GFRA1: variants seen among roughly 807,000 people sequenced by gnomAD.
GFRA1 encodes the protein GDNF family receptor alpha 1.
Under a neutral mutation model 51.6 loss-of-function variants are expected in GFRA1, and 16 were observed. That is an observed-to-expected ratio of 0.31 (90% confidence interval 0.21 to 0.47). The LOEUF is 0.47. Ranked by LOEUF, GFRA1 falls within the 20% of genes least tolerant of loss-of-function variation. The pLI is 1.00. For missense variants in GFRA1, 530 were observed against 594.3 expected (o/e 0.89, Z 1.13); for synonymous variants, 270 against 241.3 (o/e 1.12, Z -1.10).
chr10:116,235,816 C>T (rs1966862292), intron 4 of GFRA1, among the ~76,000 whole-genome samples: 1 of 152,252 alleles, frequency 6.6e-6, no homozygotes, highest in African/African-American at 2.4e-5. Context: ...TCTGAGTCCA[C>T]ATGAAGAAGA....
rs1955065080 is a variant in GFRA1, at chr10:116,065,561, A to C, written c.1251+12T>G. 6.2e-7 allele frequency: 1 copy of C among 1,609,128 alleles called. No homozygotes were observed. Reference sequence around the variant, plus strand: ...TATAAATGCACGAAGCCTCCAAAAGAAACATACTTACATTGGAAATACAGA... The same window carrying C: ...TATAAATGCACGAAGCCTCCAAAAGCAACATACTTACATTGGAAATACAGA... On this transcript the variant is annotated intron_variant, in intron 10 of 10. Coordinates refer to ENST00000355422, the MANE Select transcript of GFRA1 (RefSeq NM_005264.8).
chr10:116,156,321 T>C (rs368115504), intron 5 of GFRA1, among the ~76,000 whole-genome samples: 1 of 152,246 alleles, frequency 6.6e-6, no homozygotes, highest in African/African-American at 2.4e-5. Context: ...AACGAAGTTA[T>C]GGGTTTAAAC....
intron 4 of GFRA1, among the ~76,000 whole-genome samples, chr10:116,224,256 GT>G (rs1184557757): frequency 6.6e-6 from 1 of 152,166 alleles, no homozygotes; most frequent in African/African-American, 2.4e-5. Flanking sequence ...CTGTCAAATG[GT>G]ATAGCCACTT....
intron 5 of GFRA1, among the ~76,000 whole-genome samples, chr10:116,190,002 G>A (rs1963104487): frequency 6.6e-6 from 1 of 152,092 alleles, no homozygotes; most frequent in Non-Finnish European, 1.5e-5. Flanking sequence ...AGCCCCAGGC[G>A]AGGCAGAGAG....
chr10:116,072,672 A>G (rs984421212), intron 9 of GFRA1, among the ~76,000 whole-genome samples: 2 of 152,124 alleles, frequency 1.3e-5, no homozygotes, highest in Non-Finnish European at 2.9e-5. Context: ...GAGGCAGGAG[A>G]ATTGCTTGAA....
intron 4 of GFRA1, among the ~76,000 whole-genome samples, chr10:116,215,994 T>C (rs1185682319): frequency 2.0e-5 from 3 of 152,168 alleles, no homozygotes; most frequent in Admixed American, 1.3e-4. Context: ...GGAACTCAGA[T>C]TGCCTTTCTT....
intron 6 of GFRA1, among the ~76,000 whole-genome samples, chr10:116,113,599 G>T (rs879473585): frequency 6.6e-6 from 1 of 152,152 alleles, no homozygotes; most frequent in Non-Finnish European, 1.5e-5. Flanking sequence ...TCTGTGGGTG[G>T]TTTACAAGAC....
chr10:116,194,066 T>TAA (rs1051845471), intron 5 of GFRA1, among the ~76,000 whole-genome samples: 533 of 26,930 alleles, frequency 0.02, 16 homozygotes, highest in Middle Eastern at 0.067. Flanking sequence ...AAATAAAATT[T>TAA]AAAAAAAAAA....
intron 4 of GFRA1, among the ~76,000 whole-genome samples, chr10:116,224,290 T>C (rs184964526): frequency 3.3e-5 from 5 of 152,324 alleles, no homozygotes; most frequent in Admixed American, 2.0e-4. Flanking sequence ...TGGCAGGTCC[T>C]CAAATAGTTA....
In GFRA1 at chr10:116,217,835, C is replaced by T. The variant is rs1045917555; in HGVS notation, c.419-6190G>A. On this transcript the variant is annotated intron_variant, in intron 4 of 10. Coordinates refer to ENST00000355422, the MANE Select transcript of GFRA1 (RefSeq NM_005264.8). ...GAATGAGAGATTGCCTATAAGAGAACACGATAACTGGTACCCAGAAAGTCT... is the reference window on the plus strand; with the variant it reads ...GAATGAGAGATTGCCTATAAGAGAATACGATAACTGGTACCCAGAAAGTCT... Among the ~76,000 whole-genome samples, 24 of 152,148 alleles carry T rather than the reference C, an allele frequency of 1.6e-4. 2 individuals carry two copies. The highest frequency in any genetic ancestry group is 1.2e-3 in the Admixed American group (19 of 15,270).
chr10:116,226,315 A>G (rs1312351635), intron 4 of GFRA1, among the ~76,000 whole-genome samples: 1 of 152,172 alleles, frequency 6.6e-6, no homozygotes, highest in Non-Finnish European at 1.5e-5. Flanking sequence ...TTTCCCAAAT[A>G]AGCCAGGCTC....
intron 5 of GFRA1, among the ~76,000 whole-genome samples, chr10:116,202,935 G>A (rs965858357): frequency 6.6e-6 from 1 of 152,162 alleles, no homozygotes; most frequent in Non-Finnish European, 1.5e-5. Context: ...AGAACTCCAG[G>A]TAGAGGAATC....
At chr10:116,124,656 G>T (rs775800509) in intron 6 of GFRA1, among the ~76,000 whole-genome samples, 9 of 152,190 alleles carry the variant, frequency 5.9e-5, no homozygotes, top group Non-Finnish European at 8.8e-5. Context: ...GGCTCAGCAG[G>T]TTTCTGGTGG....
At chr10:116,111,049 C>T (rs1439640600) in intron 6 of GFRA1, among the ~76,000 whole-genome samples, 2 of 152,202 alleles carry the variant, frequency 1.3e-5, no homozygotes, top group African/African-American at 2.4e-5. Context: ...ATCCCACGTT[C>T]CCTCCTGACA....
chr10:116,063,175 A>G lies in GFRA1; in HGVS notation c.*1223T>C, dbSNP rs1954906368. On this transcript the variant is annotated 3_prime_UTR_variant, in exon 11 of 11. Coordinates refer to ENST00000355422, the MANE Select transcript of GFRA1 (RefSeq NM_005264.8). ...TCCCAATCAAAGCTGCCTTTGTCAGATAACCTGAAAACCAAGGTACTGGAT... is the reference window on the plus strand; with the variant it reads ...TCCCAATCAAAGCTGCCTTTGTCAGGTAACCTGAAAACCAAGGTACTGGAT... The G allele has an allele frequency of 6.6e-6, 1 of 152,240 alleles. No individual in the cohort carries two copies. Among genetic ancestry groups the G allele is most frequent in the Admixed American group, 6.5e-5 (1 of 15,278 alleles). The allele number at this position is 152,240 out of a possible 1,614,324, so 9.4% of individuals were successfully genotyped here. A position where few individuals can be genotyped will look rare whatever the true frequency, so the allele number is the denominator to read the frequency against.
At position 116,065,597 on chromosome 10, in the gene GFRA1, G is replaced by A; in HGVS notation, c.1227C>T (p.Gly409=). Residue 409 remains glycine, a synonymous_variant, in exon 10 of 11, where the codon GGC becomes GGT. Transcript: ENST00000355422. ...CATTGGAAATACAGAGGTGTGTATT[G>A]CCCGACACATTGGATTTCAGCTTCT... ...QAQKLKSNVS[G]NTHLCISNGN... The A allele has an allele frequency of 6.2e-7, 1 of 1,613,366 alleles. No individual in the cohort carries two copies. Among genetic ancestry groups the A allele is most frequent in the Non-Finnish European group, 8.5e-7 (1 of 1,179,444 alleles).
chr10:116,158,028 G>GTC (rs549134019), intron 5 of GFRA1, among the ~76,000 whole-genome samples: 204 of 152,270 alleles, frequency 1.3e-3, no homozygotes, highest in African/African-American at 4.6e-3. Context: ...AAGGTTCCTG[G>GTC]TCTCTGGGTT....
At chr10:116,224,261 G>A (rs1966125861) in intron 4 of GFRA1, among the ~76,000 whole-genome samples, 1 of 152,186 alleles carries the variant, frequency 6.6e-6, no homozygotes, top group Non-Finnish European at 1.5e-5. Context: ...AAATGGTATA[G>A]CCACTTTGGA....
At chr10:116,252,313 T>C (rs1323106070) in intron 4 of GFRA1, among the ~76,000 whole-genome samples, 1 of 152,112 alleles carries the variant, frequency 6.6e-6, no homozygotes, top group Non-Finnish European at 1.5e-5. Flanking sequence ...TCGACTGCAC[T>C]TTCTCTTAAT....
Sources: gnomAD v4.1 joint callset for allele counts (sites outside exome capture counted in the v4.1 genomes callset) on GRCh38, gnomAD v4.1.1 for gene constraint, MANE v1.5 for transcripts, NCBI Gene and HGNC (gene_info 2026-07-23, HGNC 2026-07-21) for gene names.